The following NKAIN2 variants were observed in gnomAD, a reference collection of about 807,000 sequenced individuals.
NKAIN2 encodes sodium/potassium-transporting ATPase subunit beta-1-interacting protein 2.
A neutral mutation model predicts 32.6 loss-of-function variants in NKAIN2; 14 were observed. The observed-to-expected ratio is 0.43, with a 90% CI of 0.28 to 0.67. NKAIN2 has a LOEUF of 0.67. Among genes scored for constraint, NKAIN2 ranks in the 30% least tolerant of loss-of-function variants. The pLI is 0.17. For synonymous variants in NKAIN2, 80 were observed against 87.2 expected (o/e 0.92, Z 0.46); for missense variants, 198 against 258.3 (o/e 0.77, Z 1.60).
At chr6:124,077,725 C>G (rs1055648746) in intron 1 of NKAIN2, among the ~76,000 whole-genome samples, 1 of 151,824 alleles carries the variant, frequency 6.6e-6, no homozygotes, top group Non-Finnish European at 1.5e-5. Context: ...GCCTGCCTCC[C>G]TTGTGGGACC....
chr6:124,818,909 T>C (rs1313996176), intron 6 of NKAIN2, among the ~76,000 whole-genome samples: 1 of 152,188 alleles, frequency 6.6e-6, no homozygotes, highest in African/African-American at 2.4e-5. Flanking sequence ...AGGTTCACCC[T>C]AGTTATATGT....
chr6:124,392,750 C>T (rs1420031366), intron 3 of NKAIN2, among the ~76,000 whole-genome samples: 5 of 152,276 alleles, frequency 3.3e-5, no homozygotes, highest in African/African-American at 1.2e-4. Flanking sequence ...AAAGTTGCTG[C>T]ATTTGACAGC....
chr6:124,421,816 T>A (rs756011558), intron 3 of NKAIN2, among the ~76,000 whole-genome samples: 5 of 152,210 alleles, frequency 3.3e-5, no homozygotes, highest in African/African-American at 4.8e-5. Context: ...AGTGTTCTCC[T>A]CTTCCTGCAG....
chr6:124,283,631 C>T (rs1047397658), intron 2 of NKAIN2, among the ~76,000 whole-genome samples: 2 of 152,106 alleles, frequency 1.3e-5, no homozygotes, highest in Non-Finnish European at 2.9e-5. Context: ...CTGTGTTCTC[C>T]ATAATTCTCT....
chr6:124,329,646 T>A (rs1196112713), intron 2 of NKAIN2, among the ~76,000 whole-genome samples: 2 of 152,118 alleles, frequency 1.3e-5, no homozygotes, highest in Non-Finnish European at 2.9e-5. Context: ...TAACCATCAT[T>A]CATATAAGAC....
intron 1 of NKAIN2, among the ~76,000 whole-genome samples, chr6:124,279,686 A>G (rs1302108321): frequency 1.3e-5 from 2 of 152,150 alleles, no homozygotes; most frequent in African/African-American, 4.8e-5. Flanking sequence ...TTTTATAAGT[A>G]AAATTTAATC....
intron 1 of NKAIN2, among the ~76,000 whole-genome samples, chr6:124,246,925 C>T (rs1793438679): frequency 6.6e-6 from 1 of 151,992 alleles, no homozygotes; most frequent in Non-Finnish European, 1.5e-5. Flanking sequence ...GGGCTACAAC[C>T]AAGATGTTTA....
intron 3 of NKAIN2, among the ~76,000 whole-genome samples, chr6:124,617,637 A>G (rs941649338): frequency 2.6e-5 from 4 of 152,168 alleles, no homozygotes; most frequent in African/African-American, 9.7e-5. Flanking sequence ...CTTCAGTGCA[A>G]GGACTCACTC....
intron 3 of NKAIN2, among the ~76,000 whole-genome samples, chr6:124,378,458 T>C (rs1391048082): frequency 6.6e-6 from 1 of 152,170 alleles, no homozygotes; most frequent in Non-Finnish European, 1.5e-5. Flanking sequence ...AAGGACATCC[T>C]GTTCCTATGA....
intron 1 of NKAIN2, among the ~76,000 whole-genome samples, chr6:123,976,080 C>T (rs1778554131): frequency 6.6e-6 from 1 of 151,288 alleles, no homozygotes; most frequent in Admixed American, 6.6e-5. Context: ...CACCATGTCC[C>T]ACGTGCCTTT....
At chr6:124,661,153 G>A (rs1784731806) in intron 4 of NKAIN2, among the ~76,000 whole-genome samples, 1 of 152,162 alleles carries the variant, frequency 6.6e-6, no homozygotes, top group Non-Finnish European at 1.5e-5. Context: ...GCACAAACGA[G>A]GTGCAAACAG....
chr6:124,785,770 G>T (rs1335451179), intron 4 of NKAIN2, among the ~76,000 whole-genome samples: 1 of 152,156 alleles, frequency 6.6e-6, no homozygotes, highest in Non-Finnish European at 1.5e-5. Flanking sequence ...ATGCCATGGG[G>T]GTGGCGGACT....
chr6:124,376,833 T>C (rs1800014598), intron 3 of NKAIN2, among the ~76,000 whole-genome samples: 1 of 152,318 alleles, frequency 6.6e-6, no homozygotes, highest in Admixed American at 6.5e-5. Flanking sequence ...CCATTTATGA[T>C]GTTTGCTTTT....
intron 1 of NKAIN2, among the ~76,000 whole-genome samples, chr6:123,860,559 T>C (rs1044640895): frequency 1.3e-5 from 2 of 151,996 alleles, no homozygotes; most frequent in Non-Finnish European, 2.9e-5. Flanking sequence ...TAAAGGCACA[T>C]GCCACCATAC....
intron 1 of NKAIN2, among the ~76,000 whole-genome samples, chr6:123,954,766 T>G (rs1777488424): frequency 6.6e-6 from 1 of 152,146 alleles, no homozygotes; most frequent in Admixed American, 6.6e-5. Flanking sequence ...CTGGCTTGTT[T>G]ATTGTTGGGT....
At chr6:124,150,765 T>TA (rs1332891898) in intron 1 of NKAIN2, among the ~76,000 whole-genome samples, 2 of 152,166 alleles carry the variant, frequency 1.3e-5, no homozygotes, top group Non-Finnish European at 2.9e-5. Context: ...ACAGACAAAC[T>TA]ACACTCCGGG....
chr6:124,626,388 A>AGACAT (rs1159977595), intron 3 of NKAIN2, among the ~76,000 whole-genome samples: 5 of 152,032 alleles, frequency 3.3e-5, no homozygotes, highest in African/African-American at 4.8e-5. Context: ...TGAATCACAG[A>AGACAT]GACATGATAT....
chr6:124,335,709 A>G (rs1232114778), intron 2 of NKAIN2, among the ~76,000 whole-genome samples: 2 of 152,086 alleles, frequency 1.3e-5, no homozygotes, highest in Non-Finnish European at 2.9e-5. Flanking sequence ...AAAGTTCCTG[A>G]TTTCCTTATT....
intron 1 of NKAIN2, among the ~76,000 whole-genome samples, chr6:124,058,660 T>C (rs1782781369): frequency 6.6e-6 from 1 of 152,128 alleles, no homozygotes; most frequent in Non-Finnish European, 1.5e-5. Context: ...AGAGCCACAC[T>C]CAGTCACCTG....
Sources: allele counts gnomAD v4.1 joint callset (sites outside exome capture counted in the v4.1 genomes callset), GRCh38; gene constraint gnomAD v4.1.1; transcripts MANE v1.5; gene names NCBI Gene and HGNC (gene_info 2026-07-23, HGNC 2026-07-21).